PHACTR1: variants seen among roughly 807,000 people sequenced by gnomAD.
PHACTR1 encodes phosphatase and actin regulator 1.
A neutral mutation model predicts 69.2 loss-of-function variants in PHACTR1; 16 were observed. That is an observed-to-expected ratio of 0.23 (90% CI 0.16 to 0.35). The LOEUF is 0.35. Ranked by LOEUF, PHACTR1 falls within the 10% of genes least tolerant of loss-of-function variation. The pLI is 1.00. For synonymous variants in PHACTR1, 312 were observed against 284.5 expected (o/e 1.10, Z -0.97); for missense variants, 510 against 734.7 (o/e 0.69, Z 3.54).
chr6:12,931,794 G>A (rs935541049), intron 4 of PHACTR1, among the ~76,000 whole-genome samples: 2 of 151,688 alleles, frequency 1.3e-5, no homozygotes, highest in Admixed American at 6.6e-5. Flanking sequence ...TGTGTGCTAA[G>A]GAAAGGGCTT....
In PHACTR1 at chr6:13,076,297, G is replaced by T. The variant is rs565793061; in HGVS notation, c.415+22768G>T. Among the ~76,000 whole-genome samples, 21 of 152,258 alleles carry T rather than the reference G, an allele frequency of 1.4e-4. No individual in the cohort carries two copies. The South Asian group carries it at 4.1e-3, about 30-fold the overall frequency. On this transcript the variant is annotated intron_variant, in intron 5 of 14. Transcript: ENST00000332995. ...ATAAAAAGTGCTCTGGAAGCACAAA[G>T]TAAGTAATCCTTTAATTGTCTTAAT...
intron 8 of PHACTR1, among the ~76,000 whole-genome samples, chr6:13,208,887 G>A (rs1348160105): frequency 1.3e-5 from 2 of 151,404 alleles, no homozygotes; most frequent in African/African-American, 2.4e-5. Context: ...AATTTTGGTG[G>A]GGGCAGGGTA....
At chr6:13,164,716 C>T (rs1447668187) in intron 6 of PHACTR1, among the ~76,000 whole-genome samples, 1 of 152,146 alleles carries the variant, frequency 6.6e-6, no homozygotes, top group African/African-American at 2.4e-5. Flanking sequence ...ATTTGAGAGT[C>T]GTAATTATTT....
intron 4 of PHACTR1, among the ~76,000 whole-genome samples, chr6:12,801,230 G>A (rs1009442824): frequency 6.6e-6 from 1 of 152,174 alleles, no homozygotes; most frequent in East Asian, 1.9e-4. Flanking sequence ...TGAAAAGGTC[G>A]TTGCAAATGA....
chr6:12,961,536 G>A (rs1792729008), intron 4 of PHACTR1, among the ~76,000 whole-genome samples: 1 of 152,156 alleles, frequency 6.6e-6, no homozygotes, highest in African/African-American at 2.4e-5. Flanking sequence ...TGTCCAAACT[G>A]AAAGGAAGAC....
At chr6:13,226,033 TC>T (rs1011425454) in intron 8 of PHACTR1, among the ~76,000 whole-genome samples, 10 of 152,360 alleles carry the variant, frequency 6.6e-5, no homozygotes, top group African/African-American at 2.2e-4. Flanking sequence ...GCTCCCATTG[TC>T]ATTTGTATTC....
At chr6:12,829,997 A>AGAG (rs755648488) in intron 4 of PHACTR1, among the ~76,000 whole-genome samples, 10 of 141,156 alleles carry the variant, frequency 7.1e-5, no homozygotes, top group Admixed American at 1.4e-4. Flanking sequence ...AGAGAGAGAG[A>AGAG]ACGAAAAGAA....
rs369687157 is a variant in PHACTR1, at chr6:12,772,839, C to T, written c.250+23049C>T. Among the ~76,000 whole-genome samples the T allele has an allele frequency of 3.9e-5, 6 of 152,258 alleles. No individual in the cohort carries two copies. The East Asian group carries it at 5.8e-4, about 15-fold the overall frequency. Reference sequence around the variant, plus strand: ...GCATGCCAAATAAAACATGATAGTCCGTGTTTAAAGTTTCTGTTTGCACTA... The same window carrying T: ...GCATGCCAAATAAAACATGATAGTCTGTGTTTAAAGTTTCTGTTTGCACTA... On this transcript the variant is annotated intron_variant, in intron 4 of 14. Coordinates refer to ENST00000332995, the MANE Select transcript of PHACTR1 (RefSeq NM_030948.6).
chr6:12,903,427 G>T (rs1169210929), intron 4 of PHACTR1, among the ~76,000 whole-genome samples: 1 of 152,212 alleles, frequency 6.6e-6, no homozygotes, highest in African/African-American at 2.4e-5. Flanking sequence ...TTGCCTCACT[G>T]CAAGGTTAAA....
chr6:12,893,016 G>T (rs1239767122), intron 4 of PHACTR1, among the ~76,000 whole-genome samples: 1 of 152,218 alleles, frequency 6.6e-6, no homozygotes, highest in African/African-American at 2.4e-5. Flanking sequence ...GAGAGAGAAA[G>T]CACACAGTCT....
intron 4 of PHACTR1, among the ~76,000 whole-genome samples, chr6:12,919,742 T>A (rs1025939172): frequency 1.3e-5 from 2 of 152,184 alleles, no homozygotes; most frequent in Admixed American, 6.5e-5. Context: ...GTTAAATATG[T>A]ATTATGCCTG....
At chr6:13,070,185 A>G (rs1451624012) in intron 5 of PHACTR1, among the ~76,000 whole-genome samples, 1 of 152,178 alleles carries the variant, frequency 6.6e-6, no homozygotes, top group Non-Finnish European at 1.5e-5. Flanking sequence ...TAGTCGAATT[A>G]CAGTTGTGTC....
intron 3 of PHACTR1, among the ~76,000 whole-genome samples, chr6:12,719,193 T>C (rs796764387): frequency 1.9e-4 from 29 of 152,308 alleles, no homozygotes; most frequent in African/African-American, 6.7e-4. Flanking sequence ...CCACAGCTCT[T>C]GAAATCTTAG....
At chr6:12,717,081 A>C (rs1055912844) in intron 1 of PHACTR1, among the ~76,000 whole-genome samples, 185 bp downstream of exon 1, 12 of 152,168 alleles carry the variant, frequency 7.9e-5, no homozygotes, top group African/African-American at 2.7e-4. Flanking sequence ...GATTTGCAGA[A>C]GGGAAGAGTT....
At chr6:12,728,386 C>A (rs1239448213) in intron 3 of PHACTR1, among the ~76,000 whole-genome samples, 1 of 152,056 alleles carries the variant, frequency 6.6e-6, no homozygotes, top group Non-Finnish European at 1.5e-5. Flanking sequence ...CTTTTAATTT[C>A]TTTCACGTAC....
chr6:13,119,031 G>A (rs146396895), intron 5 of PHACTR1, among the ~76,000 whole-genome samples: 25 of 152,200 alleles, frequency 1.6e-4, no homozygotes, highest in African/African-American at 5.3e-4. Flanking sequence ...GTTTCATCTC[G>A]CCTTATTAGA....
At chr6:13,163,059 A>G (rs1759277708) in intron 6 of PHACTR1, among the ~76,000 whole-genome samples, 1 of 152,184 alleles carries the variant, frequency 6.6e-6, no homozygotes, top group African/African-American at 2.4e-5. Context: ...AGCCTGGCCA[A>G]CATGGTGAAA....
chr6:12,868,743 G>A (rs1781729478), intron 4 of PHACTR1, among the ~76,000 whole-genome samples: 2 of 152,062 alleles, frequency 1.3e-5, no homozygotes, highest in South Asian at 4.2e-4. Context: ...AAAGAGTGTA[G>A]CAACAGTTTA....
chr6:13,195,299 T>G (rs1764213591), intron 7 of PHACTR1, among the ~76,000 whole-genome samples: 1 of 152,194 alleles, frequency 6.6e-6, no homozygotes, highest in African/African-American at 2.4e-5. Context: ...GGTTAAGTAA[T>G]TAAAGGAGAT....
Sources: allele counts gnomAD v4.1 joint callset (sites outside exome capture counted in the v4.1 genomes callset), GRCh38; gene constraint gnomAD v4.1.1; transcripts MANE v1.5; gene names NCBI Gene and HGNC (gene_info 2026-07-23, HGNC 2026-07-21).